The following GET1 variants were observed in gnomAD, a reference collection of about 807,000 sequenced individuals.
GET1 encodes the protein congenital heart disease 5 protein.
GET1 carries 20 observed loss-of-function variants against 22.6 expected under a neutral mutation model. That is an observed-to-expected ratio of 0.89 (90% CI 0.62 to 1.29). GET1 has a LOEUF of 1.29. GET1 is among the 50% of genes most tolerant of loss of function. GET1 has a pLI of 0.00. For missense variants in GET1, 209 were observed against 219.9 expected, an observed-to-expected ratio of 0.95 and a Z score of 0.31; for synonymous variants, 92 against 83.8, an observed-to-expected ratio of 1.10 and a Z score of -0.53.
Position 39,393,294 on chromosome 21 carries a change from G to A in GET1, c.451+14G>A. The A allele has an allele frequency of 6.3e-7, 1 of 1,598,490 alleles. No homozygotes were observed. The highest frequency in any genetic ancestry group is 8.6e-7 in the Non-Finnish European group (1 of 1,165,980). On this transcript the variant is annotated intron_variant, in intron 4 of 4. Coordinates refer to ENST00000649170, the MANE Select transcript of GET1 (RefSeq NM_004627.6). Reference sequence around the variant, plus strand: ...CTAGAGTAGCAGGTAAGAATTTTCTGGAAGATGCAGTGGAAGAGTGTGAAT... The same window carrying A: ...CTAGAGTAGCAGGTAAGAATTTTCTAGAAGATGCAGTGGAAGAGTGTGAAT...
At chr21:39,395,705 CT>C (rs552831062) in intron 4 of GET1, among the ~76,000 whole-genome samples, 109 of 152,308 alleles carry the variant, frequency 7.2e-4, no homozygotes, top group Non-Finnish European at 1.3e-3. Flanking sequence ...GCTACCACCC[CT>C]GTCCCCTTCC....
chr21:39,400,838 A>G (rs1042724822), downstream of GET1, among the ~76,000 whole-genome samples: 1 of 152,162 alleles, frequency 6.6e-6, no homozygotes, highest in Non-Finnish European at 1.5e-5. Context: ...GTTTTAGCCA[A>G]TATTGTGGGA....
intron 1 of GET1, chr21:39,411,741 T>G: frequency 2.6e-6 from 4 of 1,561,504 alleles, no homozygotes; most frequent in Non-Finnish European, 3.5e-6. Context: ...CTCTGTGTCA[T>G]GTAAATTTTT....
chr21:39,428,511 A>G (rs575312511), exon 2 of GET1: 2 of 1,451,506 alleles, frequency 1.4e-6, no homozygotes, highest in Admixed American at 4.9e-5. Context: ...AACCTAATAA[A>G]AGAAAAGTAA....
intron 1 of GET1, among the ~76,000 whole-genome samples, chr21:39,389,045 G>A (rs2146954407): frequency 6.6e-6 from 1 of 152,170 alleles, no homozygotes; most frequent in Non-Finnish European, 1.5e-5. Flanking sequence ...GCTTCTCTCC[G>A]AGACGCCTGC....
At chr21:39,419,523 CAAAAAAA>C (rs5843964) in intron 1 of GET1, among the ~76,000 whole-genome samples, 1 of 123,556 alleles carries the variant, frequency 8.1e-6, no homozygotes, top group Non-Finnish European at 1.6e-5. Context: ...AGACCCTGTT[CAAAAAAA>C]AAAAAGAAAA....
intron 1 of GET1, chr21:39,423,175 A>G (rs2074049534): frequency 1.9e-6 from 3 of 1,613,104 alleles, no homozygotes; most frequent in Non-Finnish European, 2.5e-6. Context: ...TTTCCTAAGT[A>G]GTTGCCTTAA....
intron 1 of GET1, among the ~76,000 whole-genome samples, chr21:39,427,450 C>G (rs1435527642): frequency 6.6e-6 from 1 of 152,066 alleles, no homozygotes; most frequent in Non-Finnish European, 1.5e-5. Flanking sequence ...ATCACGAGGT[C>G]AGGAGATCGA....
intron 1 of GET1, among the ~76,000 whole-genome samples, chr21:39,386,963 G>C (rs926172177): frequency 1.3e-5 from 2 of 151,510 alleles, no homozygotes; most frequent in African/African-American, 4.9e-5. Context: ...CTCCCTCCCC[G>C]CCTCAGCCTC....
intron 1 of GET1, among the ~76,000 whole-genome samples, chr21:39,415,858 T>C (rs975728727): frequency 6.6e-6 from 1 of 152,220 alleles, no homozygotes; most frequent in African/African-American, 2.4e-5. Context: ...CATCCCATCC[T>C]GAGCATGTTC....
chr21:39,383,157 A>T (rs982387630), intron 1 of GET1, among the ~76,000 whole-genome samples: 27 of 151,448 alleles, frequency 1.8e-4, no homozygotes, highest in South Asian at 1.3e-3. Flanking sequence ...GGTTTCACCG[A>T]ATTAGCCAGG....
At chr21:39,411,495 AG>A (rs2040079594), downstream of GET1, among the ~76,000 whole-genome samples, 1 of 152,222 alleles carries the variant, frequency 6.6e-6, no homozygotes, top group African/African-American at 2.4e-5. Context: ...ACCTGAAGAA[AG>A]GACATAAAGG....
chr21:39,410,917 A>G (rs1435314147), downstream of GET1: 3 of 471,070 alleles, frequency 6.4e-6, no homozygotes, highest in South Asian at 3.1e-5. Flanking sequence ...ACATGTAGCT[A>G]CTTCTTCTAA....
At chr21:39,422,638 G>C (rs1422810612) in intron 1 of GET1, 1 of 390,602 alleles carries the variant, frequency 2.6e-6, no homozygotes, top group Non-Finnish European at 4.5e-6. Context: ...GAGGTTTCAC[G>C]TAACACAATG....
At position 39,393,792 on chromosome 21, in the gene GET1, G is replaced by A. The variant is rs76995826; in HGVS notation, c.451+512G>A. Among the ~76,000 whole-genome samples the A allele has an allele frequency of 8.2e-3, 1,243 of 152,066 alleles. 23 individuals are homozygous for A. Among genetic ancestry groups the A allele is most frequent in the African/African-American group, 0.028 (1,159 of 41,482 alleles). ...AGCCTCCCAACTAGCTGAAATTACAGGCATGCACTACCACGCCCAGCTAAT... is the reference window on the plus strand; with the variant it reads ...AGCCTCCCAACTAGCTGAAATTACAAGCATGCACTACCACGCCCAGCTAAT... On this transcript the variant is annotated intron_variant, in intron 4 of 4. Transcript: ENST00000649170.
intron 1 of GET1, among the ~76,000 whole-genome samples, chr21:39,425,621 T>G (rs1335584793): frequency 6.6e-6 from 1 of 152,190 alleles, no homozygotes; most frequent in Non-Finnish European, 1.5e-5. Context: ...ACTTTAATAC[T>G]CTGGGCACTG....
chr21:39,411,836 A>G, intron 1 of GET1: 3 of 1,255,204 alleles, frequency 2.4e-6, no homozygotes, highest in Non-Finnish European at 3.4e-6. Context: ...TTTTCTATAA[A>G]TGCTTGCTTT....
intron 4 of GET1, among the ~76,000 whole-genome samples, chr21:39,395,403 C>T (rs966576442): frequency 9.3e-5 from 14 of 151,304 alleles, no homozygotes; most frequent in African/African-American, 2.4e-4. Context: ...CTCACTCTGT[C>T]GCCCAGGCTG....
rs770386328 is a variant in GET1 at position 39,406,469 on chromosome 21, T to C, written c.*485T>C. On this transcript the variant is annotated 3_prime_UTR_variant, in exon 5 of 5. Transcript: ENST00000415847. ...TGATTGCTTTCTCTTTCAGGATGAA[T>C]AACTTCAATTATTTTTGGTGGTAGT... 13 of 1,614,006 alleles carry C rather than the reference T, an allele frequency of 8.1e-6. No individual in the cohort carries two copies. The South Asian group carries it at 1.3e-4, about 16-fold the overall frequency.
Sources: gnomAD v4.1 joint callset for allele counts (sites outside exome capture counted in the v4.1 genomes callset) on GRCh38, gnomAD v4.1.1 for gene constraint, MANE v1.5 for transcripts, NCBI Gene and HGNC (gene_info 2026-07-23, HGNC 2026-07-21) for gene names.